Variants in TBX22 observed in about 807,000 individuals in gnomAD.
TBX22 encodes T-box transcription factor TBX22.
A neutral mutation model predicts 30.1 loss-of-function variants in TBX22; 8 were observed. The observed-to-expected ratio is 0.27, with a 90% CI of 0.16 to 0.48. The LOEUF (loss-of-function observed/expected upper bound fraction) is 0.48, where lower values mean the gene tolerates loss of function less well. TBX22 is among the 20% of genes least tolerant of loss of function. The probability of loss-of-function intolerance (pLI) is 0.99; values close to 1 mark genes in which losing one functional copy is unlikely to be tolerated. For missense variants in TBX22, 463 were observed against 400.5 expected, an observed-to-expected ratio of 1.16 and a Z score of -1.33; for synonymous variants, 173 against 149.1, an observed-to-expected ratio of 1.16 and a Z score of -1.17.
At position 80,027,322 on chromosome X, in the gene TBX22, T is replaced by C; in HGVS notation, c.863+2T>C. On this transcript the variant is annotated splice_donor_variant, in intron 7 of 8. Coordinates refer to ENST00000373296, the MANE Select transcript of TBX22 (RefSeq NM_001109878.2). LOFTEE classifies it high-confidence loss of function. ...ATTTAGAGATACTGGAAGAAACAGGTAAGCAGCATAGCAATGACATCTAAT... is the reference window on the plus strand; with the variant it reads ...ATTTAGAGATACTGGAAGAAACAGGCAAGCAGCATAGCAATGACATCTAAT... The C allele has an allele frequency of 9.6e-7, 1 of 1,036,315 alleles. No individual in the cohort carries two copies. The highest frequency in any genetic ancestry group is 1.9e-5 in the South Asian group (1 of 52,797). 85.4% of individuals were successfully genotyped at this position (1,036,315 alleles called of 1,213,427 possible).
Position 80,031,000 on chromosome X carries a change from A to G in TBX22, c.1452A>G (p.Arg484=), listed in dbSNP as rs1312577153. Residue 484 remains arginine (R), a synonymous_variant, in exon 9 of 9, where the codon AGA becomes AGG. Transcript: ENST00000373296. ...FYRYNFSMPS[R]LISGSNHLKV... ...GATACAATTTCTCTATGCCATCTAG[A>G]CTGATAAGTGGTTCCAACCATCTTA... 8.3e-7 allele frequency: 1 copy of G among 1,211,948 alleles called. No homozygotes were observed. The highest frequency in any genetic ancestry group is 1.8e-5 in the South Asian group (1 of 57,043).
chrX:80,027,867 G>C (rs185791738), intron 7 of TBX22, 124 bp from the exon 8 acceptor site: 1 of 556,690 alleles, frequency 1.8e-6, no homozygotes, highest in African/African-American at 2.3e-5. Context: ...TTATTCAGAA[G>C]TCTAGCTATA....
intron 7 of TBX22, 25 bp from the exon 8 acceptor site, chrX:80,027,966 G>C: frequency 1.8e-6 from 2 of 1,126,607 alleles, no homozygotes; most frequent in Non-Finnish European, 2.4e-6. Flanking sequence ...TTCTGGGGAT[G>C]CTGAAAGTTG....
intron 8 of TBX22, among the ~76,000 whole-genome samples, chrX:80,029,673 G>A (rs1042406673): frequency 4.5e-5 from 5 of 111,953 alleles, no homozygotes; most frequent in African/African-American, 1.3e-4. Flanking sequence ...AAAAATCAAC[G>A]TACATGAAAT....
Position 80,027,709 on chromosome X carries a change from CA to C in TBX22, c.864-281del, listed in dbSNP as rs1256080924. On this transcript the variant is annotated intron_variant, in intron 7 of 8. Transcript: ENST00000373296. ...AGTTTTAAGGATAAGAAAACTGACTCAGAGACTCAAAAGCTCTAAGTTTTGT... is the reference window on the plus strand; with the variant it reads ...AGTTTTAAGGATAAGAAAACTGACTCGAGACTCAAAAGCTCTAAGTTTTGT... Among the ~76,000 whole-genome samples, 9 of 111,822 alleles carry C rather than the reference CA, an allele frequency of 8.0e-5. No homozygotes were observed. In the Admixed American group the frequency reaches 8.5e-4, roughly 11 times the overall value.
chrX:80,021,681 C>A (rs1032566715), intron 1 of TBX22, among the ~76,000 whole-genome samples: 3 of 112,414 alleles, frequency 2.7e-5, no homozygotes, highest in Non-Finnish European at 5.6e-5. Context: ...AAACCCCCCT[C>A]CCTGTTAGAC....
At chrX:80,025,520 T>G in intron 4 of TBX22, 83 bp from the exon 5 acceptor site, 1 of 795,246 alleles carries the variant, frequency 1.3e-6, no homozygotes, top group South Asian at 2.1e-5. Context: ...TGGGCTAATC[T>G]GGAGTGAAGT....
Position 80,025,687 on chromosome X carries a change from C to T in TBX22, c.543C>T (p.Asp181=), listed in dbSNP as rs754958166. The change falls in exon 5 of 9, where the codon GAC becomes GAT. Residue 181 remains aspartate, a synonymous_variant. Coordinates refer to ENST00000373296, the MANE Select transcript of TBX22 (RefSeq NM_001109878.2). ...CIIPRFYVHP[D]SPCSGETWMR... is the part of the protein sequence containing the mutation. Reference sequence around the variant, plus strand: ...TTCCTAGATTCTATGTTCACCCGGACTCACCCTGCTCGGGAGAGACCTGGA... The same window carrying T: ...TTCCTAGATTCTATGTTCACCCGGATTCACCCTGCTCGGGAGAGACCTGGA... 8.3e-6 allele frequency: 10 copies of T among 1,207,721 alleles called. No individual in the cohort carries two copies. Among genetic ancestry groups the T allele is most frequent in the Non-Finnish European group, 1.0e-5 (9 of 893,358 alleles).
At chrX:80,022,489 T>C (rs1364083539) in intron 2 of TBX22, 45 bp downstream of exon 2, 10 of 1,136,200 alleles carry the variant, frequency 8.8e-6, no homozygotes, top group Non-Finnish European at 1.2e-5. Flanking sequence ...AGCTTACTGG[T>C]TCCGCATCTC....
intron 7 of TBX22, among the ~76,000 whole-genome samples, chrX:80,027,567 T>TG (rs1275640128): frequency 9.0e-6 from 1 of 111,059 alleles, no homozygotes. Context: ...TTAGTAGAGA[T>TG]GGGGTTTCAC....
chrX:80,030,664 C>G lies in TBX22; in HGVS notation c.1116C>G (p.Cys372Trp). ...AYLPNVNLPL[C>W]YKICPTNFWQ... ...TGCCCAATGTCAACCTGCCTCTATG[C>G]TACAAGATTTGTCCAACTAATTTTT... is the stretch of plus-strand genomic sequence containing the variant. The change falls in exon 9 of 9, where the codon TGC becomes TGG. Residue 372 changes from cysteine (C) to tryptophan (W), a missense_variant. Physicochemically the swap from Cys to Trp is radical, Grantham distance 215 (BLOSUM62 -2). Coordinates refer to ENST00000373296, the MANE Select transcript of TBX22 (RefSeq NM_001109878.2). 1.7e-6 allele frequency: 2 copies of G among 1,211,762 alleles called. No homozygotes were observed. The highest frequency in any genetic ancestry group is 2.2e-6 in the Non-Finnish European group (2 of 895,437).
chrX:80,022,726 T>C, intron 2 of TBX22: 1 of 426,270 alleles, frequency 2.3e-6, no homozygotes, highest in Non-Finnish European at 4.1e-6. Flanking sequence ...GGCTGCTGTA[T>C]CCTGGGATGG....
intron 1 of TBX22, among the ~76,000 whole-genome samples, chrX:80,021,011 C>T (rs1040828826): frequency 6.3e-5 from 7 of 111,007 alleles, no homozygotes; most frequent in South Asian, 3.8e-4. Flanking sequence ...CACAGGCAGA[C>T]ATCTCATATC....
In TBX22 at chrX:80,030,972, A is replaced by G. The variant is rs148996612; in HGVS notation, c.1424A>G (p.Tyr475Cys). 8.3e-7 allele frequency: 1 copy of G among 1,212,016 alleles called. No individual in the cohort carries two copies. The highest frequency in any genetic ancestry group is 1.8e-5 in the South Asian group (1 of 57,034). ...TCCTTTCATCCTTCCTATGACTTTT[A>G]TAGATACAATTTCTCTATGCCATCT... ...SCSFHPSYDF[Y>C]RYNFSMPSRL... is the part of the protein sequence containing the mutation. The change falls in exon 9 of 9, where the codon TAT (tyrosine) becomes TGT (cysteine). Residue 475 changes from tyrosine to cysteine, a missense_variant. Physicochemically the swap from Tyr to Cys is radical, Grantham distance 194. Transcript: ENST00000373296.
At chrX:80,020,982 G>A (rs1281175832) in intron 1 of TBX22, among the ~76,000 whole-genome samples, 2 of 111,325 alleles carry the variant, frequency 1.8e-5, no homozygotes, top group African/African-American at 3.3e-5. Flanking sequence ...ATGAAAAGTA[G>A]GAGACCAAAT....
At chrX:80,027,132 AT>A (rs1924013096) in intron 6 of TBX22, 123 bp from the exon 7 acceptor site, 2 of 506,081 alleles carry the variant, frequency 4.0e-6, no homozygotes, top group Non-Finnish European at 3.5e-6. Context: ...GGTTACATTT[AT>A]TTAAATTGTC....
At chrX:80,027,946 A>G (rs1924058269) in intron 7 of TBX22, 45 bp from the exon 8 acceptor site, 1 of 990,712 alleles carries the variant, frequency 1.0e-6, no homozygotes, top group Non-Finnish European at 1.4e-6. Context: ...CATTATTTTC[A>G]GAAATTGCAT....
intron 5 of TBX22, among the ~76,000 whole-genome samples, chrX:80,026,250 T>G: frequency 8.9e-6 from 1 of 111,815 alleles, no homozygotes; most frequent in Non-Finnish European, 1.9e-5. Flanking sequence ...CCTATTGATC[T>G]TGCACATTCT....
intron 7 of TBX22, 93 bp from the exon 8 acceptor site, chrX:80,027,898 T>C: frequency 1.5e-6 from 1 of 658,163 alleles, no homozygotes; most frequent in Non-Finnish European, 2.5e-6. Flanking sequence ...ATATTTAAAA[T>C]AGTTACATCT....
Sources: allele counts gnomAD v4.1 joint callset (sites outside exome capture counted in the v4.1 genomes callset), GRCh38; gene constraint gnomAD v4.1.1; transcripts MANE v1.5; gene names NCBI Gene and HGNC (gene_info 2026-07-23, HGNC 2026-07-21).